The following LY96 variants were observed in gnomAD, a reference collection of about 807,000 sequenced individuals.
LY96 encodes the protein lymphocyte antigen 96.
LY96 carries 18 observed loss-of-function variants against 18.9 expected under a neutral mutation model. The ratio of observed to expected loss-of-function variants is 0.95; its 90% CI spans 0.66 to 1.41. The LOEUF (loss-of-function observed/expected upper bound fraction) is 1.41. Ranked by LOEUF, LY96 falls within the 40% of genes most tolerant of loss-of-function variation. The probability of loss-of-function intolerance (pLI) is 0.00; values close to 1 mark genes in which losing one functional copy is unlikely to be tolerated. For synonymous variants in LY96, 66 were observed against 62.6 expected (o/e 1.06, Z -0.26); for missense variants, 175 against 182.4 (o/e 0.96, Z 0.23).
At chr8:74,037,835 A>C in the LY96 span, among the ~76,000 whole-genome samples, 7 of 152,092 alleles carry the variant, frequency 4.6e-5, no homozygotes, top group Non-Finnish European at 7.4e-5. Context: ...TGTCTGCTTC[A>C]TCTCATAAGT....
At chr8:74,066,995 T>A in the LY96 span, among the ~76,000 whole-genome samples, 1,363 of 152,258 alleles carry the variant, frequency 9.0e-3, 25 homozygotes, top group African/African-American at 0.031. Flanking sequence ...TTGACAGTAG[T>A]TCATTAGTGG....
the LY96 span, among the ~76,000 whole-genome samples, chr8:74,087,321 G>A: frequency 6.6e-6 from 1 of 152,192 alleles, no homozygotes; most frequent in African/African-American, 2.4e-5. Flanking sequence ...TTGGGAGATG[G>A]AGCCTGCCGT....
chr8:74,006,073 A>G (rs1816403515), intron 2 of LY96, among the ~76,000 whole-genome samples: 1 of 152,226 alleles, frequency 6.6e-6, no homozygotes, highest in South Asian at 2.1e-4. Context: ...TCATGATTCT[A>G]GTTGTTCAAC....
the LY96 span, among the ~76,000 whole-genome samples, chr8:74,059,466 A>G: frequency 1.3e-5 from 2 of 152,238 alleles, no homozygotes; most frequent in Non-Finnish European, 2.9e-5. Flanking sequence ...AAAAAGTTGT[A>G]TAAATAAAAC....
intron 1 of LY96, among the ~76,000 whole-genome samples, chr8:74,000,279 A>AGATCCTTGCTGGTAGT (rs573051213): frequency 6.6e-6 from 1 of 151,816 alleles, no homozygotes; most frequent in Admixed American, 6.6e-5. Flanking sequence ...TACCAGATAG[A>AGATCCTTGCTGGTAGT]GTAGATCCTT....
At chr8:74,085,728 A>T in the LY96 span, among the ~76,000 whole-genome samples, 2 of 151,562 alleles carry the variant, frequency 1.3e-5, no homozygotes, top group South Asian at 2.1e-4. Context: ...TTTAAATTTA[A>T]TTTTTTCCAA....
the LY96 span, among the ~76,000 whole-genome samples, chr8:74,064,949 G>T: frequency 6.6e-6 from 1 of 152,166 alleles, no homozygotes; most frequent in African/African-American, 2.4e-5. Context: ...TAGAGGTTTG[G>T]TGAAGAAAAT....
At chr8:74,027,685 GCCAGACCAA>G (rs1375731080) in intron 4 of LY96, among the ~76,000 whole-genome samples, 3 of 152,098 alleles carry the variant, frequency 2.0e-5, no homozygotes, top group Non-Finnish European at 4.4e-5. Flanking sequence ...GGAAATTATC[GCCAGACCAA>G]CTCAAAATTA....
rs16938763 is a variant in LY96, at chr8:74,010,769, T to C, written c.331+640T>C. Among the ~76,000 whole-genome samples the C allele has an allele frequency of 9.3e-3, 1,419 of 152,228 alleles. 74 individuals carry two copies. The highest frequency in any genetic ancestry group is 0.074 in the Admixed American group (1,128 of 15,284). ...CCTGTCATCTTTATAATGAGGGAAC[T>C]GATGTTTGCAGTGGCTTAGTAATGT... On this transcript the variant is annotated intron_variant, in intron 3 of 4. Transcript: ENST00000284818.
downstream of LY96, among the ~76,000 whole-genome samples, chr8:74,031,402 C>T (rs555057521): frequency 5.9e-5 from 9 of 152,120 alleles, no homozygotes; most frequent in Admixed American, 4.6e-4. Flanking sequence ...CCAAAGCGGG[C>T]GCATCACAAG....
At chr8:74,075,062 G>A in the LY96 span, among the ~76,000 whole-genome samples, 1 of 152,188 alleles carries the variant, frequency 6.6e-6, no homozygotes, top group East Asian at 1.9e-4. Context: ...TGGAAGATGT[G>A]TCCGATGCTG....
chr8:73,991,603 G>T, intron 1 of LY96, 49 bp downstream of exon 1: 4 of 1,130,562 alleles, frequency 3.5e-6, no homozygotes, highest in Non-Finnish European at 5.4e-6. Flanking sequence ...TATTTTGAGG[G>T]TAAGTTTTCA....
the LY96 span, among the ~76,000 whole-genome samples, chr8:74,097,712 ATAAATAAATAAATAAG>A: frequency 4.7e-5 from 7 of 149,480 alleles, no homozygotes; most frequent in African/African-American, 1.5e-4. Flanking sequence ...TCTCAAATAA[ATAAATAAATAAATAAG>A]TAAATAAATA....
intron 3 of LY96, among the ~76,000 whole-genome samples, chr8:74,022,011 G>T (rs1816772163): frequency 6.6e-6 from 1 of 151,960 alleles, no homozygotes; most frequent in South Asian, 2.1e-4. Flanking sequence ...CATGGCACAT[G>T]TATACATATG....
chr8:74,023,153 A>G (rs1380252600), intron 3 of LY96, among the ~76,000 whole-genome samples: 1 of 152,114 alleles, frequency 6.6e-6, no homozygotes, highest in Admixed American at 6.6e-5. Flanking sequence ...CCCGCTGCCC[A>G]CTTCCCTGCT....
Position 73,992,836 on chromosome 8 carries a change from C to CTGTGTGTGTGTGTGTGTGTGTGTG in LY96, c.112+1299_112+1322dup, listed in dbSNP as rs34327741. On this transcript the variant is annotated intron_variant, in intron 1 of 4. Coordinates refer to ENST00000284818, the MANE Select transcript of LY96 (RefSeq NM_015364.5). ...TTTGTACCATGTGCTAATTATGCCA[C>CTGTGTGTGTGTGTGTGTGTGTGTG]TGTGTGTGTGTGTGTGTGTGTGTGT... 7.1e-5 allele frequency among the ~76,000 whole-genome samples: 10 copies of CTGTGTGTGTGTGTGTGTGTGTGTG among 141,782 alleles called. No individual in the cohort carries two copies. In the Admixed American group the frequency reaches 7.3e-4, roughly 10 times the overall value. The allele number at this position is 141,782 out of a possible 152,430, so 93.0% of individuals were successfully genotyped here.
At chr8:73,994,169 A>G (rs1816073295) in intron 1 of LY96, among the ~76,000 whole-genome samples, 1 of 151,418 alleles carries the variant, frequency 6.6e-6, no homozygotes, top group African/African-American at 2.4e-5. Flanking sequence ...TGACTTTATG[A>G]AGGAGGATCT....
intron 1 of LY96, among the ~76,000 whole-genome samples, chr8:73,997,067 G>C (rs1816165131): frequency 6.6e-6 from 1 of 152,102 alleles, no homozygotes; most frequent in Non-Finnish European, 1.5e-5. Flanking sequence ...GTAGAGACCA[G>C]GCTGATCTTG....
the LY96 span, among the ~76,000 whole-genome samples, chr8:74,092,777 CT>C: frequency 6.6e-6 from 1 of 152,282 alleles, no homozygotes; most frequent in Admixed American, 6.5e-5. Flanking sequence ...ACTCTGTCTT[CT>C]TCACATCTGG....
Sources: allele counts gnomAD v4.1 joint callset (sites outside exome capture counted in the v4.1 genomes callset), GRCh38; gene constraint gnomAD v4.1.1; transcripts MANE v1.5; gene names NCBI Gene and HGNC (gene_info 2026-07-23, HGNC 2026-07-21).